Variants in VAT1L observed in about 807,000 individuals in gnomAD.
VAT1L encodes vesicle amine transport 1 like.
Under a neutral mutation model 44.1 loss-of-function variants are expected in VAT1L, and 34 were observed. The ratio of observed to expected loss-of-function variants is 0.77; its 90% CI spans 0.59 to 1.03. VAT1L has a LOEUF of 1.03. VAT1L is among the 50% of genes least tolerant of loss of function. The pLI is 0.00. For synonymous variants in VAT1L, 253 were observed against 202.2 expected (o/e 1.25, Z -2.13); for missense variants, 615 against 538.8 (o/e 1.14, Z -1.40).
At chr16:77,888,647 C>T (rs1362641846) in intron 7 of VAT1L, among the ~76,000 whole-genome samples, 1 of 152,134 alleles carries the variant, frequency 6.6e-6, no homozygotes, top group Non-Finnish European at 1.5e-5. Flanking sequence ...GAGGGACTGC[C>T]CTGCGCACTG....
At chr16:77,912,435 G>C (rs1249182792) in intron 7 of VAT1L, among the ~76,000 whole-genome samples, 1 of 152,112 alleles carries the variant, frequency 6.6e-6, no homozygotes. Flanking sequence ...CATTATACAA[G>C]TCTACCTTGT....
chr16:77,916,898 A>G (rs1320408713), intron 7 of VAT1L, among the ~76,000 whole-genome samples: 3 of 150,826 alleles, frequency 2.0e-5, no homozygotes, highest in Non-Finnish European at 4.4e-5. Flanking sequence ...ATTAGTAGCG[A>G]TTGCACTCAT....
At position 77,961,491 on chromosome 16, in the gene VAT1L, A is replaced by G. The variant is rs139028168; in HGVS notation, c.1078-10359A>G. Among the ~76,000 whole-genome samples, 670 of 152,224 alleles carry G rather than the reference A, an allele frequency of 4.4e-3. 3 individuals are homozygous for G. Among genetic ancestry groups the G allele is most frequent in the African/African-American group, 0.015 (636 of 41,530 alleles). On this transcript the variant is annotated intron_variant, in intron 7 of 8. Transcript: ENST00000302536. ...AGAGATGGAGGTGGGAGAAGAAACCATTGTTCTCCAAGGTTTCCATGGCCC... is the reference window on the plus strand; with the variant it reads ...AGAGATGGAGGTGGGAGAAGAAACCGTTGTTCTCCAAGGTTTCCATGGCCC...
At chr16:77,922,356 T>TTA (rs2017621100) in intron 7 of VAT1L, among the ~76,000 whole-genome samples, 1 of 152,164 alleles carries the variant, frequency 6.6e-6, no homozygotes, top group African/African-American at 2.4e-5. Context: ...CAAGGCCAGT[T>TTA]CCATCAAGGC....
chr16:77,949,583 G>C (rs571701384), intron 7 of VAT1L, among the ~76,000 whole-genome samples: 5 of 152,268 alleles, frequency 3.3e-5, no homozygotes, highest in African/African-American at 1.2e-4. Flanking sequence ...TCTCATTCTA[G>C]TAGTTCCTGC....
At chr16:77,833,490 C>A (rs180710416) in intron 3 of VAT1L, among the ~76,000 whole-genome samples, 2 of 151,582 alleles carry the variant, frequency 1.3e-5, no homozygotes, top group South Asian at 2.1e-4. Flanking sequence ...TGGTGGCTTA[C>A]GCCTGTAATC....
Position 77,977,625 on chromosome 16 carries a change from A to T in VAT1L, c.1190A>T (p.Glu397Val). 6.2e-7 allele frequency: 1 copy of T among 1,614,094 alleles called. No individual in the cohort carries two copies. The highest frequency in any genetic ancestry group is 8.5e-7 in the Non-Finnish European group (1 of 1,179,980). ...LMANDSTETS[E>V]AGEEEEDHEG... ...GCCAATGACAGCACAGAGACCAGTG[A>T]AGCAGGGGAAGAGGAGGAGGACCAC... The change falls in exon 9 of 9, where the codon GAA becomes GTA. Residue 397 changes from glutamate (E) to valine (V), a missense_variant. Transcript: ENST00000302536.
intron 4 of VAT1L, among the ~76,000 whole-genome samples, chr16:77,871,437 A>G (rs1306532699): frequency 6.6e-6 from 1 of 152,094 alleles, no homozygotes; most frequent in Non-Finnish European, 1.5e-5. Context: ...AGCACCCCCC[A>G]GCTTTTCTCA....
At chr16:77,950,399 A>ACCC (rs2018027368) in intron 7 of VAT1L, among the ~76,000 whole-genome samples, 1 of 119,018 alleles carries the variant, frequency 8.4e-6, no homozygotes, top group Non-Finnish European at 1.7e-5. Context: ...ACAGAGCAAG[A>ACCC]TTCCATCTAA....
At chr16:77,966,018 C>T (rs1015058891) in intron 7 of VAT1L, among the ~76,000 whole-genome samples, 2 of 152,016 alleles carry the variant, frequency 1.3e-5, no homozygotes, top group Middle Eastern at 6.8e-3. Context: ...TAAAATACAC[C>T]CTAGATTCCA....
chr16:77,854,210 T>C (rs1296000300), intron 3 of VAT1L, among the ~76,000 whole-genome samples: 1 of 152,106 alleles, frequency 6.6e-6, no homozygotes, highest in African/African-American at 2.4e-5. Context: ...TTTTCTTCCC[T>C]CTCTCCTATC....
At chr16:77,800,772 T>G (rs527760685) in intron 1 of VAT1L, 2 of 152,204 alleles carry the variant, frequency 1.3e-5, no homozygotes, top group African/African-American at 2.4e-5. Flanking sequence ...ATGCTCCCAC[T>G]GTTTGGAGTT....
rs1222359452 is a variant in VAT1L, at chr16:77,977,629, A to G, written c.1194A>G (p.Ala398=). 6 of 1,613,994 alleles carry G rather than the reference A, an allele frequency of 3.7e-6. No homozygotes were observed. Residue 398 remains alanine, a synonymous_variant, in exon 9 of 9, where the codon GCA becomes GCG. Coordinates refer to ENST00000302536, the MANE Select transcript of VAT1L (RefSeq NM_020927.3). ...ATGACAGCACAGAGACCAGTGAAGC[A>G]GGGGAAGAGGAGGAGGACCACGAGG... ...MANDSTETSE[A]GEEEEDHEGD...
intron 1 of VAT1L, among the ~76,000 whole-genome samples, chr16:77,809,142 A>G (rs963003606): frequency 6.6e-6 from 1 of 152,236 alleles, no homozygotes; most frequent in African/African-American, 2.4e-5. Flanking sequence ...TAAGCCAGGT[A>G]AAACCAACAT....
At chr16:77,976,034 G>A (rs1242351244) in intron 8 of VAT1L, among the ~76,000 whole-genome samples, 1 of 152,182 alleles carries the variant, frequency 6.6e-6, no homozygotes, top group African/African-American at 2.4e-5. Flanking sequence ...CAATGTCTGC[G>A]AGCCAATTGG....
At chr16:77,932,456 C>T in intron 7 of VAT1L, among the ~76,000 whole-genome samples, 1 of 152,278 alleles carries the variant, frequency 6.6e-6, no homozygotes, top group Admixed American at 6.5e-5. Flanking sequence ...AGATAGGTTT[C>T]TTTCCTGCAG....
chr16:77,853,379 G>C (rs1166884463), intron 3 of VAT1L, among the ~76,000 whole-genome samples: 2 of 152,180 alleles, frequency 1.3e-5, no homozygotes, highest in African/African-American at 4.8e-5. Context: ...AAATTAGAAG[G>C]ATGCCTTTAT....
chr16:77,960,223 G>C (rs1414460215), intron 7 of VAT1L, among the ~76,000 whole-genome samples: 2 of 152,108 alleles, frequency 1.3e-5, no homozygotes, highest in East Asian at 1.9e-4. Context: ...TAGGGGGTTG[G>C]CTTGCTTGCC....
intron 3 of VAT1L, among the ~76,000 whole-genome samples, chr16:77,830,866 T>C (rs1462356191): frequency 6.6e-6 from 1 of 152,114 alleles, no homozygotes; most frequent in Non-Finnish European, 1.5e-5. Flanking sequence ...GTATTTTTAG[T>C]AGAGATGGGA....
Sources: gnomAD v4.1 joint callset for allele counts (sites outside exome capture counted in the v4.1 genomes callset) on GRCh38, gnomAD v4.1.1 for gene constraint, MANE v1.5 for transcripts, NCBI Gene and HGNC (gene_info 2026-07-23, HGNC 2026-07-21) for gene names.